Variants in MDGA2 observed in about 807,000 individuals in gnomAD.
MDGA2 encodes MAM domain-containing glycosylphosphatidylinositol anchor protein 2.
In MDGA2, 40 loss-of-function variants were observed where a neutral mutation model predicts 117.8. That is an observed-to-expected ratio of 0.34 (90% CI 0.26 to 0.44). MDGA2 has a LOEUF of 0.44. MDGA2 is among the 20% of genes least tolerant of loss of function. The pLI, the probability that MDGA2 is intolerant of heterozygous loss-of-function variation, is 1.00. For missense variants in MDGA2, 1,123 were observed against 1,250.6 expected, an observed-to-expected ratio of 0.90 and a Z score of 1.54; for synonymous variants, 452 against 439.0, an observed-to-expected ratio of 1.03 and a Z score of -0.37.
At chr14:47,266,487 T>G (rs1280782214) in intron 2 of MDGA2, among the ~76,000 whole-genome samples, 1 of 152,206 alleles carries the variant, frequency 6.6e-6, no homozygotes, top group Admixed American at 6.5e-5. Flanking sequence ...ATTCCCTGCC[T>G]CCTCATGCTC....
At chr14:47,129,511 T>C (rs1258570532) in intron 5 of MDGA2, among the ~76,000 whole-genome samples, 1 of 149,412 alleles carries the variant, frequency 6.7e-6, no homozygotes, top group Non-Finnish European at 1.5e-5. Flanking sequence ...TTTGGGTTGG[T>C]TCCAAGTCTT....
intron 1 of MDGA2, among the ~76,000 whole-genome samples, chr14:47,514,753 A>C (rs1231235713): frequency 1.3e-5 from 2 of 152,140 alleles, no homozygotes; most frequent in Non-Finnish European, 2.9e-5. Context: ...CTCTCCAATG[A>C]TTAGCAAAAG....
intron 4 of MDGA2, among the ~76,000 whole-genome samples, chr14:47,135,667 C>G (rs1358602475): frequency 1.3e-5 from 2 of 151,782 alleles, no homozygotes; most frequent in African/African-American, 4.8e-5. Flanking sequence ...TTGAATTGTT[C>G]CCCTTCACTG....
intron 6 of MDGA2, among the ~76,000 whole-genome samples, chr14:47,086,172 T>G (rs974725237): frequency 2.0e-5 from 3 of 151,798 alleles, no homozygotes; most frequent in Non-Finnish European, 2.9e-5. Flanking sequence ...CAGATTGTTT[T>G]GGCTAAGATG....
chr14:47,173,929 C>G (rs1212733388), intron 3 of MDGA2, among the ~76,000 whole-genome samples: 1 of 151,890 alleles, frequency 6.6e-6, no homozygotes, highest in South Asian at 2.1e-4. Context: ...CACACATAGG[C>G]TCAAAATAAA....
chr14:47,080,745 A>G (rs1257190695), intron 6 of MDGA2, among the ~76,000 whole-genome samples: 2 of 152,132 alleles, frequency 1.3e-5, no homozygotes, highest in Admixed American at 6.6e-5. Flanking sequence ...TTTCATAATG[A>G]TCCATTCTTT....
chr14:47,317,613 A>C (rs1448171935), intron 1 of MDGA2, among the ~76,000 whole-genome samples: 2 of 152,096 alleles, frequency 1.3e-5, no homozygotes, highest in Non-Finnish European at 2.9e-5. Flanking sequence ...TCCCCTAGAA[A>C]GATCATGTTC....
intron 7 of MDGA2, among the ~76,000 whole-genome samples, chr14:47,052,380 T>G (rs2138730326): frequency 6.6e-6 from 1 of 152,002 alleles, no homozygotes; most frequent in Admixed American, 6.6e-5. Flanking sequence ...AGACAAAAGC[T>G]AATTAAGCAC....
chr14:47,151,527 C>G (rs1468699248), intron 3 of MDGA2, among the ~76,000 whole-genome samples: 1 of 152,142 alleles, frequency 6.6e-6, no homozygotes, highest in Non-Finnish European at 1.5e-5. Flanking sequence ...AATTTTCATA[C>G]TTTATGACCC....
At chr14:47,307,616 G>A (rs1452476275) in intron 1 of MDGA2, among the ~76,000 whole-genome samples, 1 of 151,952 alleles carries the variant, frequency 6.6e-6, no homozygotes, top group African/African-American at 2.4e-5. Flanking sequence ...AGGAGGCGGA[G>A]GTTGCAGTGA....
intron 10 of MDGA2, among the ~76,000 whole-genome samples, chr14:46,899,996 T>C (rs1883223759): frequency 6.6e-6 from 1 of 152,130 alleles, no homozygotes; most frequent in Admixed American, 6.6e-5. Flanking sequence ...AAGTAGTCAC[T>C]ACTTGAAAAT....
chr14:47,468,669 T>C (rs897318198), intron 1 of MDGA2, among the ~76,000 whole-genome samples: 1 of 152,144 alleles, frequency 6.6e-6, no homozygotes, highest in African/African-American at 2.4e-5. Context: ...GGTGTTTTTT[T>C]TTTGTTTAAA....
chr14:47,074,912 T>A (rs1890435031), intron 6 of MDGA2, among the ~76,000 whole-genome samples: 1 of 152,242 alleles, frequency 6.6e-6, no homozygotes, highest in Non-Finnish European at 1.5e-5. Context: ...GATTTTTATG[T>A]GATGCAGCAC....
chr14:47,253,481 A>T (rs1008002229), intron 2 of MDGA2, among the ~76,000 whole-genome samples: 3 of 152,244 alleles, frequency 2.0e-5, no homozygotes, highest in Admixed American at 6.5e-5. Context: ...GGCAATCATT[A>T]AAACTTAAAG....
chr14:46,843,960 T>C (rs1172570916), intron 16 of MDGA2, among the ~76,000 whole-genome samples: 1 of 152,210 alleles, frequency 6.6e-6, no homozygotes, highest in Non-Finnish European at 1.5e-5. Flanking sequence ...GCAGTCATTT[T>C]TAACAGGAAT....
intron 9 of MDGA2, among the ~76,000 whole-genome samples, chr14:46,954,562 G>A (rs994848097): frequency 2.6e-5 from 4 of 151,854 alleles, no homozygotes; most frequent in Non-Finnish European, 4.4e-5. Flanking sequence ...GGCTCCAGGG[G>A]TTCTTCAGAT....
At chr14:47,105,207 T>C (rs570560388) in intron 5 of MDGA2, among the ~76,000 whole-genome samples, 1 of 152,152 alleles carries the variant, frequency 6.6e-6, no homozygotes. Flanking sequence ...TGGCAAGTCC[T>C]GCTTTCCTAG....
chr14:46,898,503 T>C (rs1883166152), intron 10 of MDGA2, among the ~76,000 whole-genome samples: 1 of 152,068 alleles, frequency 6.6e-6, no homozygotes, highest in African/African-American at 2.4e-5. Flanking sequence ...GGTTAGAATA[T>C]AGAAGCATTA....
chr14:47,242,640 G>T (rs1165835388), intron 2 of MDGA2, among the ~76,000 whole-genome samples: 1 of 151,800 alleles, frequency 6.6e-6, no homozygotes, highest in East Asian at 1.9e-4. Flanking sequence ...GCCCACCAGC[G>T]CTGCGCTCGA....
Sources: allele counts gnomAD v4.1 joint callset (sites outside exome capture counted in the v4.1 genomes callset), GRCh38; gene constraint gnomAD v4.1.1; transcripts MANE v1.5; gene names NCBI Gene and HGNC (gene_info 2026-07-23, HGNC 2026-07-21).